Variants in CPQ observed in about 807,000 individuals in gnomAD.
The protein encoded by CPQ is Ser-Met dipeptidase.
Under a neutral mutation model 45.7 loss-of-function variants are expected in CPQ, and 37 were observed. That is an observed-to-expected ratio of 0.81 (90% CI 0.62 to 1.07). The LOEUF (loss-of-function observed/expected upper bound fraction) is 1.07, where lower values mean the gene tolerates loss of function less well. Ranked by LOEUF, CPQ falls within the 50% of genes least tolerant of loss-of-function variation. CPQ has a pLI of 0.00. For synonymous variants in CPQ, 186 were observed against 205.8 expected (o/e 0.90, Z 0.82); for missense variants, 537 against 572.9 (o/e 0.94, Z 0.64).
chr8:97,091,941 A>T (rs1467253673), intron 7 of CPQ, among the ~76,000 whole-genome samples: 3 of 152,114 alleles, frequency 2.0e-5, no homozygotes, highest in African/African-American at 7.2e-5. Context: ...CATTCTTATC[A>T]CCCCAGGGAA....
At chr8:96,876,227 AG>A (rs1812143582) in intron 3 of CPQ, among the ~76,000 whole-genome samples, 1 of 151,970 alleles carries the variant, frequency 6.6e-6, no homozygotes, top group African/African-American at 2.4e-5. Context: ...TGTGTTCCTT[AG>A]GATTTTCTAT....
intron 7 of CPQ, among the ~76,000 whole-genome samples, chr8:97,137,421 A>G (rs1812078959): frequency 6.6e-6 from 1 of 151,726 alleles, no homozygotes; most frequent in African/African-American, 2.4e-5. Flanking sequence ...TCCTCCATTC[A>G]CCCTCAGTGA....
intron 6 of CPQ, among the ~76,000 whole-genome samples, chr8:97,045,304 T>A (rs113617287): frequency 2.9e-3 from 447 of 152,348 alleles, no homozygotes; most frequent in African/African-American, 9.7e-3. Flanking sequence ...GTGCGGGATA[T>A]AATCTCCTGG....
intron 4 of CPQ, among the ~76,000 whole-genome samples, chr8:96,952,877 T>C (rs1270230101): frequency 1.3e-5 from 2 of 152,116 alleles, no homozygotes; most frequent in African/African-American, 4.8e-5. Flanking sequence ...CTATAAAGTA[T>C]GGAGTTCTCC....
intron 1 of CPQ, among the ~76,000 whole-genome samples, chr8:96,707,356 G>T (rs1456619795): frequency 6.6e-6 from 1 of 152,138 alleles, no homozygotes; most frequent in Non-Finnish European, 1.5e-5. Context: ...GTGGATAGGA[G>T]CTACTACACT....
chr8:97,069,858 A>G (rs1254658364), intron 7 of CPQ, among the ~76,000 whole-genome samples: 1 of 152,126 alleles, frequency 6.6e-6, no homozygotes, highest in African/African-American at 2.4e-5. Context: ...CATGTATACT[A>G]TTTACCAAAA....
At chr8:96,921,243 A>G (rs1223450861) in intron 4 of CPQ, among the ~76,000 whole-genome samples, 1 of 152,062 alleles carries the variant, frequency 6.6e-6, no homozygotes, top group Non-Finnish European at 1.5e-5. Flanking sequence ...TAGAGCATGC[A>G]CCTGTTCTTT....
At chr8:96,945,355 A>G (rs1272822855) in intron 4 of CPQ, among the ~76,000 whole-genome samples, 1 of 152,138 alleles carries the variant, frequency 6.6e-6, no homozygotes, top group Admixed American at 6.5e-5. Context: ...TGCAGATAGT[A>G]TATTGGTATT....
intron 1 of CPQ, among the ~76,000 whole-genome samples, chr8:96,694,516 A>T (rs1316436332): frequency 6.6e-6 from 1 of 152,198 alleles, no homozygotes; most frequent in Non-Finnish European, 1.5e-5. Context: ...GATAGACTAT[A>T]TGTTAGGCCA....
chr8:97,137,608 C>A (rs577387997), intron 7 of CPQ, among the ~76,000 whole-genome samples: 8 of 152,128 alleles, frequency 5.3e-5, no homozygotes, highest in Non-Finnish European at 1.0e-4. Context: ...GATTTGTCTC[C>A]CCTGGGTGTG....
At chr8:96,885,576 G>A (rs766045656) in intron 4 of CPQ, among the ~76,000 whole-genome samples, 3 of 152,156 alleles carry the variant, frequency 2.0e-5, no homozygotes, top group Non-Finnish European at 4.4e-5. Context: ...CAAAACCCAT[G>A]GGCAAAATGT....
At chr8:96,687,955 G>A (rs996871354) in intron 1 of CPQ, among the ~76,000 whole-genome samples, 3 of 151,740 alleles carry the variant, frequency 2.0e-5, no homozygotes, top group Non-Finnish European at 4.4e-5. Context: ...TTAGAGTAAT[G>A]TATATCACTT....
At chr8:97,030,377 T>G (rs2130471120) in intron 6 of CPQ, among the ~76,000 whole-genome samples, 1 of 152,242 alleles carries the variant, frequency 6.6e-6, no homozygotes, top group East Asian at 1.9e-4. Context: ...GACCTTTTTT[T>G]TTTTTCAAAG....
At chr8:96,901,800 T>G (rs971218669) in intron 4 of CPQ, among the ~76,000 whole-genome samples, 1 of 152,186 alleles carries the variant, frequency 6.6e-6, no homozygotes, top group Non-Finnish European at 1.5e-5. Context: ...AGCTCATCTT[T>G]GGGATGCCAA....
chr8:96,893,092 C>T (rs918591624), intron 4 of CPQ, among the ~76,000 whole-genome samples: 10 of 152,110 alleles, frequency 6.6e-5, no homozygotes, highest in African/African-American at 1.9e-4. Flanking sequence ...GATGAAGAAA[C>T]GAAGGCTTAG....
At chr8:96,662,645 G>C (rs1226189856) in intron 1 of CPQ, among the ~76,000 whole-genome samples, 1 of 152,164 alleles carries the variant, frequency 6.6e-6, no homozygotes, top group African/African-American at 2.4e-5. Flanking sequence ...CAGTTTTGGG[G>C]TAAGGAGCTG....
At chr8:96,829,667 C>T (rs917823755) in intron 2 of CPQ, among the ~76,000 whole-genome samples, 1 of 152,058 alleles carries the variant, frequency 6.6e-6, no homozygotes. Flanking sequence ...TCTTCTAAAG[C>T]CTTCTTAAAG....
chr8:96,823,851 A>C (rs967331802), intron 2 of CPQ, among the ~76,000 whole-genome samples: 7 of 152,012 alleles, frequency 4.6e-5, no homozygotes, highest in Admixed American at 1.3e-4. Context: ...TTATTATTTT[A>C]ATTAAATCTT....
At chr8:96,945,256 G>A (rs1247034587) in intron 4 of CPQ, among the ~76,000 whole-genome samples, 1 of 152,182 alleles carries the variant, frequency 6.6e-6, no homozygotes, top group African/African-American at 2.4e-5. Context: ...TCAAAAGTGG[G>A]TGTGGGGAGA....
Sources: allele counts gnomAD v4.1 joint callset (sites outside exome capture counted in the v4.1 genomes callset), GRCh38; gene constraint gnomAD v4.1.1; transcripts MANE v1.5; gene names NCBI Gene and HGNC (gene_info 2026-07-23, HGNC 2026-07-21).